The following MEGF6 variants were observed in gnomAD, a reference collection of about 807,000 sequenced individuals.
The protein encoded by MEGF6 is multiple EGF like domains 6.
In MEGF6, 184 loss-of-function variants were observed where a neutral mutation model predicts 207.1. The observed-to-expected ratio is 0.89, with a 90% CI of 0.79 to 1.00. The LOEUF (loss-of-function observed/expected upper bound fraction) is 1.00, where lower values mean the gene tolerates loss of function less well. MEGF6 is among the 50% of genes least tolerant of loss of function. The pLI, the probability that MEGF6 is intolerant of heterozygous loss-of-function variation, is 0.00. For missense variants in MEGF6, 2,282 were observed against 2,202.9 expected (o/e 1.04, Z -0.72); for synonymous variants, 1,038 against 910.0 (o/e 1.14, Z -2.53).
intron 4 of MEGF6, among the ~76,000 whole-genome samples, chr1:3,540,849 C>G (rs979122490): frequency 6.6e-6 from 1 of 152,230 alleles, no homozygotes; most frequent in African/African-American, 2.4e-5. Flanking sequence ...ACTGGGGAGT[C>G]CACTCGAACG....
chr1:3,529,671 C>A (rs988076348), intron 4 of MEGF6, among the ~76,000 whole-genome samples: 35 of 152,206 alleles, frequency 2.3e-4, no homozygotes, highest in Non-Finnish European at 3.2e-4. Flanking sequence ...GCAGTGTCTA[C>A]CAGGCTGGGA....
At chr1:3,593,189 C>G (rs1054977203) in intron 3 of MEGF6, among the ~76,000 whole-genome samples, 4 of 152,136 alleles carry the variant, frequency 2.6e-5, no homozygotes, top group Non-Finnish European at 5.9e-5. Flanking sequence ...TCACTAGGCC[C>G]TGCTGGGACC....
At chr1:3,502,005 T>C (rs1640898208) in intron 17 of MEGF6, 84 bp from the exon 18 acceptor site, 1 of 1,302,686 alleles carries the variant, frequency 7.7e-7, no homozygotes, top group African/African-American at 2.7e-5. Context: ...TCCTGGTGAG[T>C]GTGCCCCCTG....
intron 17 of MEGF6, among the ~76,000 whole-genome samples, chr1:3,503,438 C>T (rs1056992698): frequency 6.6e-6 from 1 of 152,132 alleles, no homozygotes; most frequent in Non-Finnish European, 1.5e-5. Flanking sequence ...CTCGGAGCAC[C>T]ACAGGCTCTT....
chr1:3,585,674 A>G (rs1370596468), intron 3 of MEGF6, among the ~76,000 whole-genome samples: 2 of 131,676 alleles, frequency 1.5e-5, no homozygotes, highest in African/African-American at 3.0e-5. Flanking sequence ...GTGTGGATGC[A>G]TGACCTGTGT....
intron 4 of MEGF6, among the ~76,000 whole-genome samples, chr1:3,538,882 C>T (rs1283780039): frequency 1.3e-5 from 2 of 152,194 alleles, no homozygotes; most frequent in African/African-American, 2.4e-5. Flanking sequence ...CCCCACGCCC[C>T]GGGGCCCAGA....
intron 5 of MEGF6, among the ~76,000 whole-genome samples, chr1:3,516,379 C>T (rs1274506933): frequency 5.3e-5 from 8 of 152,220 alleles, no homozygotes; most frequent in Non-Finnish European, 1.0e-4. Context: ...GGGAGGGAGT[C>T]AGCCCCGAGC....
chr1:3,584,116 C>T (rs1643864209), intron 3 of MEGF6, among the ~76,000 whole-genome samples: 1 of 152,256 alleles, frequency 6.6e-6, no homozygotes, highest in East Asian at 1.9e-4. Flanking sequence ...CCCTTAGAGG[C>T]ATCCAGGGTG....
intron 5 of MEGF6, among the ~76,000 whole-genome samples, chr1:3,515,964 G>A (rs1294507940): frequency 1.3e-5 from 2 of 152,244 alleles, no homozygotes; most frequent in Non-Finnish European, 2.9e-5. Flanking sequence ...TGAGACCCAG[G>A]CATCTCACCA....
chr1:3,499,681 T>C lies in MEGF6; in HGVS notation c.2872A>G (p.Ser958Gly). Residue 958 changes from serine to glycine, a missense_variant, in exon 23 of 37, where the codon AGT becomes GGT. Physicochemically the swap from Ser to Gly is moderately conservative, Grantham distance 56 (BLOSUM62 0). Coordinates refer to ENST00000356575, the MANE Select transcript of MEGF6 (RefSeq NM_001409.4). ...PAGFFGLDCRSACNCTAGAAC... is the reference protein window; with the variant it reads ...PAGFFGLDCRGACNCTAGAAC... ...GCTCCGGCGGTGCAGTTGCAGGCACTGCGACAGTCCAATCCAAAGAAGCCG... is the reference window on the plus strand; with the variant it reads ...GCTCCGGCGGTGCAGTTGCAGGCACCGCGACAGTCCAATCCAAAGAAGCCG... 1 of 1,601,178 alleles carries C rather than the reference T, an allele frequency of 6.2e-7. No homozygotes were observed. Among genetic ancestry groups the C allele is most frequent in the Non-Finnish European group, 8.5e-7 (1 of 1,175,156 alleles).
chr1:3,606,556 G>A (rs1207725192), intron 1 of MEGF6, among the ~76,000 whole-genome samples: 2 of 152,208 alleles, frequency 1.3e-5, no homozygotes, highest in African/African-American at 4.8e-5. Context: ...AGGGTTAGAT[G>A]AGCCTGCACA....
rs1480297353 is a variant in MEGF6, at chr1:3,609,302, C to T, written c.131+1836G>A. On this transcript the variant is annotated intron_variant, in intron 1 of 36. Coordinates refer to ENST00000356575, the MANE Select transcript of MEGF6 (RefSeq NM_001409.4). ...CTGCACTCCACAGCCCAGTGGGGACCTCTCCAGGGTCCAGCGCAGGGTCCC... is the reference window on the plus strand; with the variant it reads ...CTGCACTCCACAGCCCAGTGGGGACTTCTCCAGGGTCCAGCGCAGGGTCCC... Among the ~76,000 whole-genome samples, 3 of 152,340 alleles carry T rather than the reference C, an allele frequency of 2.0e-5. No homozygotes were observed. In the East Asian group the frequency reaches 5.8e-4, roughly 29 times the overall value.
intron 4 of MEGF6, among the ~76,000 whole-genome samples, chr1:3,541,334 G>A (rs1439720300): frequency 2.0e-5 from 3 of 152,220 alleles, no homozygotes; most frequent in Admixed American, 6.5e-5. Context: ...AGAGCACATC[G>A]TCCCAGGAAG....
chr1:3,569,114 C>T (rs535711191), intron 4 of MEGF6, among the ~76,000 whole-genome samples: 94 of 152,324 alleles, frequency 6.2e-4, no homozygotes, highest in Non-Finnish European at 1.1e-3. Flanking sequence ...CGACTCCATC[C>T]GCCATAGCCA....
At chr1:3,605,357 G>A (rs542938626) in intron 1 of MEGF6, among the ~76,000 whole-genome samples, 9 of 110,690 alleles carry the variant, frequency 8.1e-5, no homozygotes, top group Middle Eastern at 4.9e-3. Context: ...ACTCACGCAC[G>A]TTCACACACA....
chr1:3,574,669 G>T (rs1643593729), intron 4 of MEGF6, among the ~76,000 whole-genome samples: 2 of 152,162 alleles, frequency 1.3e-5, no homozygotes, highest in South Asian at 2.1e-4. Flanking sequence ...TTGAGACAGG[G>T]TCTTGCTCTG....
chr1:3,517,003 C>T (rs2820997), intron 5 of MEGF6, among the ~76,000 whole-genome samples: 11,623 of 152,316 alleles, frequency 0.076, 619 homozygotes, highest in South Asian at 0.15. Context: ...TCCTGGCCCC[C>T]AGGCCCGGCC....
At chr1:3,618,588 A>T in the MEGF6 span, among the ~76,000 whole-genome samples, 2 of 151,916 alleles carry the variant, frequency 1.3e-5, no homozygotes, top group African/African-American at 4.8e-5. The surrounding 1 kb of genome is among the most constrained non-coding windows in gnomAD (Gnocchi z 4.7). Context: ...CCTCAAACCC[A>T]TCCGAAAGGC....
At chr1:3,580,623 A>G (rs112884116) in intron 3 of MEGF6, among the ~76,000 whole-genome samples, 11,575 of 152,140 alleles carry the variant, frequency 0.076, 628 homozygotes, top group African/African-American at 0.15. Flanking sequence ...ACACTGCCTC[A>G]CTGCCCCCTC....
Sources: allele counts gnomAD v4.1 joint callset (sites outside exome capture counted in the v4.1 genomes callset), GRCh38; gene constraint gnomAD v4.1.1; non-coding constraint Gnocchi (gnomAD v3.1); transcripts MANE v1.5; gene names NCBI Gene and HGNC (gene_info 2026-07-23, HGNC 2026-07-21).